The following DIP2B variants were observed in gnomAD, a reference collection of about 807,000 sequenced individuals.
DIP2B encodes DIP2 acetate--CoA ligase B (putative).
A neutral mutation model predicts 198.0 loss-of-function variants in DIP2B; 76 were observed. That is an observed-to-expected ratio of 0.38 (90% CI 0.32 to 0.46). The LOEUF (loss-of-function observed/expected upper bound fraction) is 0.46. Ranked by LOEUF, DIP2B falls within the 20% of genes least tolerant of loss-of-function variation. DIP2B has a pLI of 0.99. For synonymous variants in DIP2B, 701 were observed against 739.1 expected (o/e 0.95, Z 0.84); for missense variants, 1,559 against 1,978.4 (o/e 0.79, Z 4.02).
chr12:50,654,598 C>G (rs992214597), intron 3 of DIP2B, among the ~76,000 whole-genome samples: 7 of 152,114 alleles, frequency 4.6e-5, no homozygotes, highest in African/African-American at 1.7e-4. Flanking sequence ...GCAGTCCTCC[C>G]ATTTTGGCCT....
intron 1 of DIP2B, among the ~76,000 whole-genome samples, chr12:50,551,229 G>A (rs1958424448): frequency 6.6e-6 from 1 of 152,156 alleles, no homozygotes; most frequent in African/African-American, 2.4e-5. Flanking sequence ...TTTGAGACCA[G>A]CCTGGCCAAC....
chr12:50,661,805 G>A (rs1938653253), intron 4 of DIP2B, among the ~76,000 whole-genome samples: 1 of 152,236 alleles, frequency 6.6e-6, no homozygotes, highest in Admixed American at 6.5e-5. Flanking sequence ...AGCATGACAT[G>A]TAGTTCTTGG....
chr12:50,568,511 A>T (rs1565827468), intron 1 of DIP2B, among the ~76,000 whole-genome samples: 1 of 152,090 alleles, frequency 6.6e-6, no homozygotes, highest in African/African-American at 2.4e-5. Context: ...CAGCATTTTT[A>T]GTGTGTGTGT....
intron 33 of DIP2B, among the ~76,000 whole-genome samples, chr12:50,734,745 G>A (rs1245177920): frequency 6.6e-6 from 1 of 152,168 alleles, no homozygotes; most frequent in East Asian, 1.9e-4. Context: ...CTCTCATGCA[G>A]CAGTTTGAAA....
At chr12:50,661,581 G>A (rs1025671220) in intron 4 of DIP2B, among the ~76,000 whole-genome samples, 3 of 152,098 alleles carry the variant, frequency 2.0e-5, no homozygotes, top group Non-Finnish European at 4.4e-5. Context: ...ACCTCTAGCC[G>A]GCTATCACAG....
At chr12:50,598,153 TTTTCTC>T (rs1465260421) in intron 1 of DIP2B, among the ~76,000 whole-genome samples, 2 of 152,168 alleles carry the variant, frequency 1.3e-5, no homozygotes, top group African/African-American at 2.4e-5. Context: ...GCAAAGGACT[TTTTCTC>T]TTTCCTTTAG....
At chr12:50,704,073 T>C in intron 19 of DIP2B, 67 bp from the exon 20 acceptor site, 1 of 1,433,478 alleles carries the variant, frequency 7.0e-7, no homozygotes, top group Non-Finnish European at 9.6e-7. Context: ...TAATAAAACT[T>C]TTTAAAAATC....
At chr12:50,647,164 C>G (rs1442184491) in intron 3 of DIP2B, among the ~76,000 whole-genome samples, 1 of 152,124 alleles carries the variant, frequency 6.6e-6, no homozygotes, top group Non-Finnish European at 1.5e-5. Flanking sequence ...ACGATCCTCC[C>G]TCCTTAGCTC....
rs761005140 is a variant in DIP2B at position 50,724,893 on chromosome 12, G to A, written c.3400+7G>A. On this transcript the variant is annotated splice_region_variant and intron_variant, in intron 28 of 37. Coordinates refer to ENST00000301180, the MANE Select transcript of DIP2B (RefSeq NM_173602.3). Reference sequence around the variant, plus strand: ...CCAACCATCATTGACACAGGTGAAAGGGAGACTTCTTCTGAGGGTGGAGGG... The same window carrying A: ...CCAACCATCATTGACACAGGTGAAAAGGAGACTTCTTCTGAGGGTGGAGGG... 6.2e-7 allele frequency: 1 copy of A among 1,613,656 alleles called. No homozygotes were observed. Among genetic ancestry groups the A allele is most frequent in the Non-Finnish European group, 8.5e-7 (1 of 1,179,596 alleles).
intron 1 of DIP2B, among the ~76,000 whole-genome samples, chr12:50,512,564 G>C (rs1286953752): frequency 4.6e-5 from 7 of 152,188 alleles, no homozygotes; most frequent in Non-Finnish European, 7.3e-5. Context: ...ACTTGATTTT[G>C]ACATAAGGTA....
intron 6 of DIP2B, 51 bp from the exon 7 acceptor site, chr12:50,675,278 A>C: frequency 6.3e-7 from 1 of 1,591,208 alleles, no homozygotes; most frequent in African/African-American, 1.3e-5. Context: ...TGAGGAACTA[A>C]AATATCCTTA....
rs142568094 is a variant in DIP2B at position 50,565,186 on chromosome 12, G to A, written c.100+59946G>A. Among the ~76,000 whole-genome samples the A allele has an allele frequency of 3.2e-3, 491 of 152,140 alleles. 2 individuals are homozygous for A. The highest frequency in any genetic ancestry group is 0.011 in the African/African-American group (472 of 41,508). On this transcript the variant is annotated intron_variant, in intron 1 of 37. Transcript: ENST00000301180. ...CCTGCTTTTATTTTTTTGTGGAGAT[G>A]AGATCTCGTCATGTTGGTCAGGCTT...
At chr12:50,680,253 C>CT (rs1592124513) in intron 8 of DIP2B, 1 of 74,954 alleles carries the variant, frequency 1.3e-5, no homozygotes, top group African/African-American at 5.2e-5. Context: ...GAGTGAGACT[C>CT]TGTCTTAAAA....
chr12:50,697,082 C>T lies in DIP2B; in HGVS notation c.1955C>T (p.Ala652Val). 1 of 1,614,014 alleles carries T rather than the reference C, an allele frequency of 6.2e-7. No homozygotes were observed. The highest frequency in any genetic ancestry group is 8.5e-7 in the Non-Finnish European group (1 of 1,179,930). Residue 652 changes from alanine (A) to valine (V), a missense_variant, in exon 17 of 38, where the codon GCC becomes GTC. Coordinates refer to ENST00000301180, the MANE Select transcript of DIP2B (RefSeq NM_173602.3). The stretch of plus-strand genomic sequence containing the variant: ...TTAGGGTCCGTGTCATCCTGTGATG[C>T]CTTCCTGAGTCTGTTCCAAAGTCAT... ...ANPWSVSSCDAFLSLFQSHGL... is the reference protein window; with the variant it reads ...ANPWSVSSCDVFLSLFQSHGL...
chr12:50,529,888 G>A (rs1338910730), intron 1 of DIP2B, among the ~76,000 whole-genome samples: 1 of 152,020 alleles, frequency 6.6e-6, no homozygotes, highest in Non-Finnish European at 1.5e-5. Flanking sequence ...AAGAAAAAAA[G>A]CTACAGGGTA....
intron 23 of DIP2B, among the ~76,000 whole-genome samples, chr12:50,716,958 C>CTTTTTTTTTTTCTTTT (rs1939732577): frequency 1.7e-5 from 1 of 58,924 alleles, no homozygotes; most frequent in Non-Finnish European, 3.0e-5. Context: ...CGAATTGTTG[C>CTTTTTTTTTTTCTTTT]TTTTTTTTTT....
chr12:50,611,934 C>G (rs188099778), intron 1 of DIP2B, among the ~76,000 whole-genome samples: 29 of 151,736 alleles, frequency 1.9e-4, no homozygotes, highest in African/African-American at 6.8e-4. Flanking sequence ...CGTGGTGGCT[C>G]TTGCCTATAA....
chr12:50,623,427 ACACACACACACTCTCTCTCTCTCTCT>A (rs1191495794), intron 1 of DIP2B, among the ~76,000 whole-genome samples: 1 of 48,938 alleles, frequency 2.0e-5, no homozygotes, highest in Admixed American at 1.9e-4. Flanking sequence ...ACACACACAC[ACACACACACACTCTCTCTCTCTCTCT>A]CTCTCTCTCT....
chr12:50,616,678 C>T (rs1275443270), intron 1 of DIP2B, among the ~76,000 whole-genome samples: 1 of 152,056 alleles, frequency 6.6e-6, no homozygotes, highest in Non-Finnish European at 1.5e-5. Context: ...TGTTAAGGTC[C>T]TTGTTTTGTA....
Sources: allele counts gnomAD v4.1 joint callset (sites outside exome capture counted in the v4.1 genomes callset), GRCh38; gene constraint gnomAD v4.1.1; transcripts MANE v1.5; gene names NCBI Gene and HGNC (gene_info 2026-07-23, HGNC 2026-07-21).